Variants in FAM222A observed in about 807,000 individuals in gnomAD.
FAM222A encodes family with sequence similarity 222 member A.
Under a neutral mutation model 25.8 loss-of-function variants are expected in FAM222A, and 7 were observed. The observed-to-expected ratio is 0.27, with a 90% CI of 0.15 to 0.51. FAM222A has a LOEUF of 0.51. Among genes scored for constraint, FAM222A ranks in the 20% least tolerant of loss-of-function variants. The pLI is 0.97. For missense variants in FAM222A, 573 were observed against 640.5 expected (o/e 0.89, Z 1.14); for synonymous variants, 294 against 298.8 (o/e 0.98, Z 0.17).
chr12:109,731,270 G>C (rs1887942112), intron 1 of FAM222A, among the ~76,000 whole-genome samples: 1 of 152,068 alleles, frequency 6.6e-6, no homozygotes, highest in African/African-American at 2.4e-5. Flanking sequence ...ACTGGCTGCA[G>C]GATCACCCCT....
chr12:109,765,975 T>C (rs1259702558), intron 2 of FAM222A, among the ~76,000 whole-genome samples: 3 of 152,216 alleles, frequency 2.0e-5, no homozygotes, highest in Non-Finnish European at 4.4e-5. Context: ...GTATTAGCAG[T>C]AGCATCACCC....
intron 2 of FAM222A, among the ~76,000 whole-genome samples, chr12:109,757,657 A>G (rs1279045547): frequency 6.6e-6 from 1 of 151,850 alleles, no homozygotes; most frequent in South Asian, 2.1e-4. Flanking sequence ...CCACAAATTG[A>G]GAGTGGGTGT....
intron 2 of FAM222A, among the ~76,000 whole-genome samples, chr12:109,756,304 GT>G (rs1214145980): frequency 2.0e-5 from 3 of 149,172 alleles, no homozygotes; most frequent in Non-Finnish European, 4.4e-5. Flanking sequence ...TATTCTAATA[GT>G]TTTTTAGTGA....
intron 2 of FAM222A, among the ~76,000 whole-genome samples, chr12:109,765,862 A>C (rs1408579396): frequency 6.6e-6 from 1 of 152,206 alleles, no homozygotes; most frequent in African/African-American, 2.4e-5. Flanking sequence ...TTCTCTGGGC[A>C]GATGGGGAAG....
chr12:109,724,012 A>G (rs1887797873), intron 1 of FAM222A, among the ~76,000 whole-genome samples: 1 of 152,254 alleles, frequency 6.6e-6, no homozygotes, highest in East Asian at 1.9e-4. Context: ...TCTAGCTGGA[A>G]GCAAGCACAG....
rs528351463 is a variant in FAM222A at position 109,745,667 on chromosome 12, G to T, written c.82+1439G>T. 7.2e-5 allele frequency among the ~76,000 whole-genome samples: 11 copies of T among 152,198 alleles called. No individual in the cohort carries two copies. In the South Asian group the frequency reaches 8.3e-4, roughly 12 times the overall value. ...GACAATAGGATCACAATGTGGGTTT[G>T]GTTTTGTTTTGTTTTGTTTAGGGAT... On this transcript the variant is annotated intron_variant, in intron 2 of 2. Transcript: ENST00000538780.
chr12:109,737,049 T>C (rs1455730344), intron 1 of FAM222A, among the ~76,000 whole-genome samples: 1 of 152,200 alleles, frequency 6.6e-6, no homozygotes. Flanking sequence ...GGGACTCCAG[T>C]CATTTGACGA....
intron 1 of FAM222A, among the ~76,000 whole-genome samples, chr12:109,742,765 C>T (rs772543531): frequency 1.5e-4 from 23 of 151,840 alleles, no homozygotes; most frequent in African/African-American, 5.6e-4. Context: ...TTTCATTTAC[C>T]GAGAGGCCAG....
At chr12:109,738,770 C>G (rs773506669) in intron 1 of FAM222A, among the ~76,000 whole-genome samples, 1 of 152,220 alleles carries the variant, frequency 6.6e-6, no homozygotes, top group Non-Finnish European at 1.5e-5. Flanking sequence ...TTGTACACAG[C>G]TGGATTAAGT....
At chr12:109,718,656 T>G (rs1887692767) in intron 1 of FAM222A, among the ~76,000 whole-genome samples, 1 of 152,228 alleles carries the variant, frequency 6.6e-6, no homozygotes, top group African/African-American at 2.4e-5. Flanking sequence ...TGCCTGTGCG[T>G]TGCGGGCCGC....
intron 2 of FAM222A, among the ~76,000 whole-genome samples, chr12:109,766,845 G>A (rs1313688522): frequency 1.3e-5 from 2 of 152,020 alleles, no homozygotes; most frequent in Non-Finnish European, 2.9e-5. Context: ...CCATTCCTGG[G>A]TATATTTCCA....
intron 2 of FAM222A, among the ~76,000 whole-genome samples, chr12:109,754,555 A>G (rs905194180): frequency 1.3e-5 from 2 of 152,248 alleles, no homozygotes; most frequent in African/African-American, 4.8e-5. Flanking sequence ...TCTTGCAGGA[A>G]TACAGCCACA....
intron 1 of FAM222A, among the ~76,000 whole-genome samples, chr12:109,728,359 G>A (rs61943762): frequency 6.6e-6 from 1 of 152,120 alleles, no homozygotes. Flanking sequence ...GAGATAACAC[G>A]GGGATTGTGG....
At chr12:109,739,895 C>T (rs977922281) in intron 1 of FAM222A, among the ~76,000 whole-genome samples, 4 of 152,200 alleles carry the variant, frequency 2.6e-5, no homozygotes, top group East Asian at 1.9e-4. Flanking sequence ...GAGGAGGAGG[C>T]GCATGGGCTT....
intron 1 of FAM222A, among the ~76,000 whole-genome samples, chr12:109,733,236 A>C (rs1382373858): frequency 2.0e-5 from 3 of 152,230 alleles, no homozygotes; most frequent in Non-Finnish European, 4.4e-5. Context: ...GGTTTCAAAG[A>C]CTTAGAATAA....
chr12:109,728,973 T>A (rs201631815), intron 1 of FAM222A, among the ~76,000 whole-genome samples: 3 of 147,850 alleles, frequency 2.0e-5, no homozygotes, highest in African/African-American at 5.0e-5. Context: ...GGGTTACAGG[T>A]AAAAAAAAAA....
At chr12:109,753,509 C>A (rs1888617682) in intron 2 of FAM222A, among the ~76,000 whole-genome samples, 1 of 151,692 alleles carries the variant, frequency 6.6e-6, no homozygotes, top group Non-Finnish European at 1.5e-5. Context: ...AAGGAGAGGA[C>A]CCCGCAGGGC....
intron 1 of FAM222A, among the ~76,000 whole-genome samples, chr12:109,728,424 G>A (rs1376974037): frequency 6.6e-6 from 1 of 152,208 alleles, no homozygotes; most frequent in African/African-American, 2.4e-5. Context: ...TGCCTCGTCT[G>A]TAGAAGGCCA....
chr12:109,743,074 G>T (rs922327547), intron 1 of FAM222A, among the ~76,000 whole-genome samples: 16 of 152,208 alleles, frequency 1.1e-4, no homozygotes, highest in Non-Finnish European at 2.2e-4. Flanking sequence ...AGGTCAGGAA[G>T]TGGTGGGGAC....
Sources: allele counts gnomAD v4.1 joint callset (sites outside exome capture counted in the v4.1 genomes callset), GRCh38; gene constraint gnomAD v4.1.1; transcripts MANE v1.5; gene names NCBI Gene and HGNC (gene_info 2026-07-23, HGNC 2026-07-21).